Variants in TMCO4 observed in about 807,000 individuals in gnomAD.
TMCO4 encodes transmembrane and coiled-coil domain-containing protein 4.
In TMCO4, 58 loss-of-function variants were observed where a neutral mutation model predicts 64.7. That is an observed-to-expected ratio of 0.90 (90% CI 0.73 to 1.12). The LOEUF is 1.12. TMCO4 is among the 50% of genes most tolerant of loss of function. The probability of loss-of-function intolerance (pLI) is 0.00; values close to 1 mark genes in which losing one functional copy is unlikely to be tolerated. For synonymous variants in TMCO4, 325 were observed against 346.1 expected, an observed-to-expected ratio of 0.94 and a Z score of 0.68; for missense variants, 780 against 825.9, an observed-to-expected ratio of 0.94 and a Z score of 0.68.
intron 15 of TMCO4, among the ~76,000 whole-genome samples, chr1:19,692,212 G>A (rs1260933309): frequency 1.3e-5 from 2 of 152,146 alleles, no homozygotes; most frequent in Non-Finnish European, 2.9e-5. Context: ...GCTGAAGTCG[G>A]CTTGTGCTTG....
chr1:19,738,383 C>T (rs569389263), intron 12 of TMCO4: 2 of 152,388 alleles, frequency 1.3e-5, no homozygotes, highest in Admixed American at 6.5e-5. Context: ...CTGACTCCTC[C>T]GTAGCTTGAG....
In TMCO4 at chr1:19,713,083, G is replaced by A. The variant is rs77091371; in HGVS notation, c.1265-12198C>T. 4.9e-3 allele frequency among the ~76,000 whole-genome samples: 742 copies of A among 152,290 alleles called. 19 individuals are homozygous for A. The East Asian group carries it at 0.089, about 18-fold the overall frequency. On this transcript the variant is annotated intron_variant, in intron 13 of 15. Coordinates refer to ENST00000294543, the MANE Select transcript of TMCO4 (RefSeq NM_181719.7). The stretch of plus-strand genomic sequence containing the variant: ...CACGTGCAAGGCCTCCTGAGGCCTA[G>A]GTTTGAAAATGGCATGATGCGATTT...
In TMCO4 at chr1:19,771,408, GT is replaced by G; in HGVS notation, c.253del (p.Thr85LeufsTer20). The G allele has an allele frequency of 6.2e-7, 1 of 1,614,212 alleles. No homozygotes were observed. The highest frequency in any genetic ancestry group is 8.5e-7 in the Non-Finnish European group (1 of 1,180,040). ...ELSEAVLPTM[T>X]AFASGLGGEG... is the part of the protein sequence containing the mutation. ...ACCTCCCAGGCCGCTCGCAAAAGCAGTCATGGTTGGCAAGACAGCTTCAGAC... is the reference window on the plus strand; with the variant it reads ...ACCTCCCAGGCCGCTCGCAAAAGCAGCATGGTTGGCAAGACAGCTTCAGAC... On this transcript the variant is annotated frameshift_variant, in exon 5 of 16. Transcript: ENST00000294543. LOFTEE classifies it high-confidence loss of function.
chr1:19,689,996 C>A (rs982385994), intron 15 of TMCO4, among the ~76,000 whole-genome samples: 1 of 152,224 alleles, frequency 6.6e-6, no homozygotes, highest in African/African-American at 2.4e-5. Flanking sequence ...AACCTGTGAC[C>A]CAGAGTGAGA....
At chr1:19,710,996 T>G (rs35721361) in intron 13 of TMCO4, among the ~76,000 whole-genome samples, 44,279 of 152,152 alleles carry the variant, frequency 0.29, 6,689 homozygotes, top group Middle Eastern at 0.35. Context: ...TAGTCTTTGA[T>G]GGAGAGTTAG....
chr1:19,789,053 C>A (rs10917538), intron 2 of TMCO4, among the ~76,000 whole-genome samples: 2,139 of 147,182 alleles, frequency 0.015, 53 homozygotes, highest in African/African-American at 0.05. Context: ...CCAGCCTGGG[C>A]GACAGAGTGA....
intron 13 of TMCO4, among the ~76,000 whole-genome samples, chr1:19,719,166 C>T (rs554424596): frequency 2.6e-5 from 4 of 152,238 alleles, no homozygotes; most frequent in Non-Finnish European, 5.9e-5. Flanking sequence ...CCTCATGGTC[C>T]GGGTTTGTAA....
At chr1:19,795,445 C>A (rs1286518781) in intron 2 of TMCO4, among the ~76,000 whole-genome samples, 1 of 152,120 alleles carries the variant, frequency 6.6e-6, no homozygotes, top group East Asian at 1.9e-4. Context: ...GCACTCCAGC[C>A]TGGGTGACAA....
rs542204021 is a variant in TMCO4, at chr1:19,705,251, G to A, written c.1265-4366C>T. 2.1e-3 allele frequency among the ~76,000 whole-genome samples: 320 copies of A among 152,198 alleles called. 2 individuals are homozygous for A. Among genetic ancestry groups the A allele is most frequent in the African/African-American group, 7.2e-3 (299 of 41,506 alleles). On this transcript the variant is annotated intron_variant, in intron 13 of 15. Transcript: ENST00000294543. Reference sequence around the variant, plus strand: ...GGATCACCTGAGGTCAGGAGTTTGAGACCAGCCTGGCCAACATGGCAAAAA... The same window carrying A: ...GGATCACCTGAGGTCAGGAGTTTGAAACCAGCCTGGCCAACATGGCAAAAA...
chr1:19,789,572 G>T (rs2101120108), intron 2 of TMCO4, among the ~76,000 whole-genome samples: 1 of 152,038 alleles, frequency 6.6e-6, no homozygotes, highest in East Asian at 1.9e-4. Flanking sequence ...TAGCATTTCG[G>T]TCATGAGCTT....
intron 3 of TMCO4, among the ~76,000 whole-genome samples, chr1:19,781,597 G>T (rs1414008705): frequency 1.3e-5 from 2 of 151,394 alleles, no homozygotes; most frequent in Non-Finnish European, 2.9e-5. Flanking sequence ...TAAAAAGACT[G>T]AGAATACCAA....
intron 13 of TMCO4, among the ~76,000 whole-genome samples, chr1:19,736,115 T>C (rs2095453217): frequency 6.6e-6 from 1 of 152,216 alleles, no homozygotes; most frequent in Non-Finnish European, 1.5e-5. Context: ...GATCAGTTAT[T>C]GCTGCTTTTG....
chr1:19,703,367 C>T (rs1321240300), intron 13 of TMCO4, among the ~76,000 whole-genome samples: 2 of 152,062 alleles, frequency 1.3e-5, no homozygotes, highest in East Asian at 1.9e-4. Context: ...AGTTCGTGCG[C>T]CCCACTGGCC....
rs764253154 is a variant in TMCO4, at chr1:19,780,736, C to T, written c.23G>A (p.Cys8Tyr). MAMWNRP[C>Y]QRLPQQPLVA... ...CAGAGGCTGCTGAGGCAGCCTCTGG[C>T]ATGGCCTGTTCCACATGGCCATTCC... The change falls in exon 4 of 16, where the codon TGC becomes TAC. Residue 8 changes from cysteine to tyrosine, a missense_variant. Physicochemically the swap from Cys to Tyr is radical, Grantham distance 194. Coordinates refer to ENST00000294543, the MANE Select transcript of TMCO4 (RefSeq NM_181719.7). The T allele has an allele frequency of 1.1e-5, 17 of 1,598,668 alleles. No individual in the cohort carries two copies. The highest frequency in any genetic ancestry group is 1.4e-5 in the Non-Finnish European group (17 of 1,175,906).
intron 15 of TMCO4, among the ~76,000 whole-genome samples, chr1:19,686,898 A>G (rs1446327658): frequency 6.6e-6 from 1 of 152,166 alleles, no homozygotes; most frequent in East Asian, 1.9e-4. Context: ...AACTCAGAGA[A>G]TGCTAGCTTT....
intron 6 of TMCO4, among the ~76,000 whole-genome samples, chr1:19,756,726 G>A (rs185469587): frequency 6.6e-6 from 1 of 152,208 alleles, no homozygotes; most frequent in African/African-American, 2.4e-5. Flanking sequence ...AAGTGGTGGT[G>A]CGTGCCTATA....
At chr1:19,787,734 A>G (rs2043816705) in intron 2 of TMCO4, among the ~76,000 whole-genome samples, 1 of 152,142 alleles carries the variant, frequency 6.6e-6, no homozygotes, top group Non-Finnish European at 1.5e-5. Context: ...TTTGAGCTTC[A>G]TCCTTAGTGC....
rs1427162956 is a variant in TMCO4, at chr1:19,743,866, G to C, written c.877+1666C>G. ...GGGTCAGAACAGCCCCACCTTGGAG[G>C]GTGGAAGTGAAGTTTCTAGGAGGTA... On this transcript the variant is annotated intron_variant, in intron 10 of 15. Coordinates refer to ENST00000294543, the MANE Select transcript of TMCO4 (RefSeq NM_181719.7). This position sits in a 1 kb window ranked among gnomAD's most constrained non-coding sequence, Gnocchi z 4.1. Among the ~76,000 whole-genome samples, 2 of 152,164 alleles carry C rather than the reference G, an allele frequency of 1.3e-5. No homozygotes were observed. The highest frequency in any genetic ancestry group is 2.9e-5 in the Non-Finnish European group (2 of 68,024).
chr1:19,706,289 C>A (rs180812514), intron 13 of TMCO4, among the ~76,000 whole-genome samples: 2 of 152,120 alleles, frequency 1.3e-5, no homozygotes. Context: ...GTGTAGAATG[C>A]CCCCGGTTTT....
Sources: gnomAD v4.1 joint callset for allele counts (sites outside exome capture counted in the v4.1 genomes callset) on GRCh38, gnomAD v4.1.1 for gene constraint, Gnocchi (gnomAD v3.1) non-coding constraint, MANE v1.5 for transcripts, NCBI Gene and HGNC (gene_info 2026-07-23, HGNC 2026-07-21) for gene names.